STON2: variants seen among roughly 807,000 people sequenced by gnomAD.
STON2 encodes the protein stonin-2.
In STON2, 29 loss-of-function variants were observed where a neutral mutation model predicts 65.7. The ratio of observed to expected loss-of-function variants is 0.44; its 90% CI spans 0.33 to 0.60. The LOEUF is 0.60. STON2 is among the 20% of genes least tolerant of loss of function. The pLI, the probability that STON2 is intolerant of heterozygous loss-of-function variation, is 0.03. For synonymous variants in STON2, 404 were observed against 414.2 expected (o/e 0.98, Z 0.30); for missense variants, 1,054 against 1,118.1 (o/e 0.94, Z 0.82).
At position 81,277,956 on chromosome 14, in the gene STON2, T is replaced by C. The variant is rs916484007; in HGVS notation, c.1526A>G (p.Lys509Arg). Residue 509 changes from lysine to arginine, a missense_variant, in exon 6 of 8, where the codon AAA (lysine) becomes AGA (arginine). By Grantham distance (26) the Lys-to-Arg change is conservative. Coordinates refer to ENST00000614646, the MANE Select transcript of STON2 (RefSeq NM_001394390.1). ...SSRHWGPIFVKLTDTGYLQLY... is the reference protein window; with the variant it reads ...SSRHWGPIFVRLTDTGYLQLY... ...CTGCAGGTAACCAGTGTCTGTCAGT[T>C]TGACGAAGATCGGTCCCCAGTGCCT... The C allele has an allele frequency of 1.9e-6, 3 of 1,614,180 alleles. No homozygotes were observed. The highest frequency in any genetic ancestry group is 2.7e-5 in the African/African-American group (2 of 75,050).
rs376038383 is a variant in STON2 at position 81,431,962 on chromosome 14, T to C, written c.-310+4359A>G. 9.9e-5 allele frequency among the ~76,000 whole-genome samples: 15 copies of C among 152,152 alleles called. No individual in the cohort carries two copies. In the South Asian group the frequency reaches 2.7e-3, roughly 27 times the overall value. On this transcript the variant is annotated intron_variant, in intron 1 of 8. Transcript: ENST00000553821. ...CTCTATCTCAAAAAAATAAAATGCA[T>C]ATAGAATTTCTAGAATTTTCTATTC... is the stretch of plus-strand genomic sequence containing the variant.
intron 2 of STON2, among the ~76,000 whole-genome samples, chr14:81,406,580 C>A (rs1014222921): frequency 3.9e-5 from 6 of 152,118 alleles, no homozygotes; most frequent in Non-Finnish European, 7.4e-5. Flanking sequence ...TGGCCCTTTA[C>A]AGAAAAAAAT....
chr14:81,278,572 C>T lies in STON2; in HGVS notation c.910G>A (p.Val304Ile), dbSNP rs1361958170. ...GTATTTGGCTTCAGAGGAGAGGTGA[C>T]TGGTGGTAAAGGGCAGCTGACTTCA... ...DNEVSCPLPP[V>I]TSPLKPNTPP... The change falls in exon 6 of 8, where the codon GTC becomes ATC. Residue 304 changes from valine (V) to isoleucine (I), a missense_variant. By Grantham distance (29) the Val-to-Ile change is conservative. Transcript: ENST00000614646. 6.2e-7 allele frequency: 1 copy of T among 1,608,502 alleles called. No homozygotes were observed. The highest frequency in any genetic ancestry group is 2.2e-5 in the East Asian group (1 of 44,804).
chr14:81,375,799 A>T (rs530233750), intron 3 of STON2, among the ~76,000 whole-genome samples: 6 of 151,746 alleles, frequency 4.0e-5, no homozygotes, highest in Non-Finnish European at 8.8e-5. Flanking sequence ...ACATGAAGCA[A>T]GCTGGAACAA....
intron 7 of STON2, 80 bp from the exon 8 acceptor site, chr14:81,268,577 T>C (rs1442702216): frequency 4.7e-6 from 6 of 1,272,412 alleles, no homozygotes; most frequent in Non-Finnish European, 4.1e-6. Flanking sequence ...CAAAACTCCA[T>C]AGGTACTTTG....
chr14:81,434,947 T>G (rs966487685), intron 1 of STON2, among the ~76,000 whole-genome samples: 1 of 149,660 alleles, frequency 6.7e-6, no homozygotes, highest in Non-Finnish European at 1.5e-5. Context: ...TGTGGTTGAG[T>G]TTTTTTTCTC....
chr14:81,367,341 T>G (rs1038951427), intron 4 of STON2, among the ~76,000 whole-genome samples: 16 of 152,104 alleles, frequency 1.1e-4, no homozygotes, highest in South Asian at 2.1e-4. Flanking sequence ...TATGCCCAGC[T>G]AATTTTTGTA....
chr14:81,325,444 C>T (rs564378933), intron 4 of STON2, among the ~76,000 whole-genome samples: 41 of 74,584 alleles, frequency 5.5e-4, no homozygotes, highest in Admixed American at 3.7e-3. Flanking sequence ...TTTTCTCCTC[C>T]TCTTTTTTTT....
intron 1 of STON2, among the ~76,000 whole-genome samples, chr14:81,434,386 A>C (rs1235445666): frequency 1.3e-5 from 2 of 152,154 alleles, no homozygotes; most frequent in Non-Finnish European, 2.9e-5. Flanking sequence ...ACGCCACTGG[A>C]GAGAGTAAAA....
intron 4 of STON2, among the ~76,000 whole-genome samples, chr14:81,360,754 A>G (rs1318049518): frequency 3.9e-5 from 6 of 152,164 alleles, no homozygotes; most frequent in African/African-American, 1.4e-4. Flanking sequence ...TGATAACATA[A>G]TCTTCCATAT....
chr14:81,294,738 G>A (rs1333194121), intron 5 of STON2, among the ~76,000 whole-genome samples: 2 of 152,126 alleles, frequency 1.3e-5, no homozygotes, highest in Non-Finnish European at 2.9e-5. Flanking sequence ...TTTATTTCTA[G>A]TCCTGGCTCT....
At chr14:81,426,636 C>T (rs184546657) in intron 2 of STON2, among the ~76,000 whole-genome samples, 1 of 152,170 alleles carries the variant, frequency 6.6e-6, no homozygotes, top group South Asian at 2.1e-4. Context: ...CCTTCCCATC[C>T]AAGATGATGG....
At chr14:81,397,148 A>G (rs1471508710) in intron 2 of STON2, among the ~76,000 whole-genome samples, 4 of 152,232 alleles carry the variant, frequency 2.6e-5, no homozygotes, top group African/African-American at 9.6e-5. Context: ...CAGCTGTACA[A>G]CAAAAGAAGT....
Position 81,351,548 on chromosome 14 carries a change from T to C in STON2, c.571+19440A>G, listed in dbSNP as rs117001216. On this transcript the variant is annotated intron_variant, in intron 4 of 7. Transcript: ENST00000614646. The stretch of plus-strand genomic sequence containing the variant: ...AAAACATTATTTTAATTTGATCTTA[T>C]ATCATCAGTAGGACTTTGTCATGTG... Among the ~76,000 whole-genome samples, 795 of 152,360 alleles carry C rather than the reference T, an allele frequency of 5.2e-3. 4 individuals carry two copies. The highest frequency in any genetic ancestry group is 0.028 in the South Asian group (137 of 4,826).
chr14:81,304,646 T>C (rs1013501018), intron 5 of STON2, among the ~76,000 whole-genome samples: 30 of 152,090 alleles, frequency 2.0e-4, no homozygotes, highest in African/African-American at 7.0e-4. Flanking sequence ...GAGAATTGCT[T>C]GAGCCTGGGA....
chr14:81,393,125 G>T (rs1900156757), intron 3 of STON2, among the ~76,000 whole-genome samples: 4 of 152,330 alleles, frequency 2.6e-5, no homozygotes, highest in Admixed American at 2.6e-4. Flanking sequence ...TCCTCAGTCA[G>T]ATGGGGGCAA....
chr14:81,342,632 C>T (rs1268046719), intron 4 of STON2, among the ~76,000 whole-genome samples: 3 of 152,256 alleles, frequency 2.0e-5, no homozygotes, highest in African/African-American at 7.2e-5. Context: ...TTCCCGGTCC[C>T]CATAAGTCTA....
intron 2 of STON2, among the ~76,000 whole-genome samples, chr14:81,421,651 G>A (rs1228238037): frequency 2.6e-5 from 4 of 152,112 alleles, no homozygotes; most frequent in African/African-American, 7.2e-5. Context: ...GATGCAGTAG[G>A]TGGATGAAAA....
chr14:81,402,653 A>G (rs915423178), upstream of STON2, among the ~76,000 whole-genome samples: 3 of 152,146 alleles, frequency 2.0e-5, no homozygotes, highest in Non-Finnish European at 4.4e-5. Flanking sequence ...GGTGTCAAGC[A>G]TCCTGGAAAA....
Sources: gnomAD v4.1 joint callset for allele counts (sites outside exome capture counted in the v4.1 genomes callset) on GRCh38, gnomAD v4.1.1 for gene constraint, MANE v1.5 for transcripts, NCBI Gene and HGNC (gene_info 2026-07-23, HGNC 2026-07-21) for gene names.